The following EYS variants were observed in gnomAD, a reference collection of about 807,000 sequenced individuals.
The protein encoded by EYS is protein eyes shut homolog.
In EYS, 250 loss-of-function variants were observed where a neutral mutation model predicts 282.1. The ratio of observed to expected loss-of-function variants is 0.89; its 90% CI spans 0.80 to 0.98. The LOEUF (loss-of-function observed/expected upper bound fraction) is 0.98. Ranked by LOEUF, EYS falls within the 50% of genes least tolerant of loss-of-function variation. The probability of loss-of-function intolerance (pLI) is 0.00; values close to 1 mark genes in which losing one functional copy is unlikely to be tolerated. For synonymous variants in EYS, 1,355 were observed against 1,282.9 expected (o/e 1.06, Z -1.20); for missense variants, 4,016 against 3,709.0 (o/e 1.08, Z -2.15).
chr6:64,403,920 T>A (rs73764436), intron 28 of EYS, among the ~76,000 whole-genome samples: 3,158 of 152,264 alleles, frequency 0.021, 62 homozygotes, highest in African/African-American at 0.055. Flanking sequence ...GAAAATCCAG[T>A]TTTTTGTTCG....
At chr6:64,207,140 G>A (rs1302768831) in intron 31 of EYS, among the ~76,000 whole-genome samples, 1 of 152,052 alleles carries the variant, frequency 6.6e-6, no homozygotes, top group Admixed American at 6.6e-5. Context: ...GGTACTGGAC[G>A]ATGGGGCCTT....
intron 2 of EYS, among the ~76,000 whole-genome samples, chr6:65,533,407 C>T (rs1303991066): frequency 6.6e-6 from 1 of 152,026 alleles, no homozygotes; most frequent in Non-Finnish European, 1.5e-5. Context: ...CCACAGGTAC[C>T]AAGAGGAGCT....
At chr6:65,611,047 C>A (rs1765981226) in intron 2 of EYS, among the ~76,000 whole-genome samples, 1 of 151,886 alleles carries the variant, frequency 6.6e-6, no homozygotes, top group South Asian at 2.1e-4. Flanking sequence ...CCTGTTGACC[C>A]AAAGGGCACT....
rs148966505 is a variant in EYS at position 65,049,336 on chromosome 6, T to G, written c.2137+8278A>C. On this transcript the variant is annotated intron_variant, in intron 13 of 42. Transcript: ENST00000503581. Reference sequence around the variant, plus strand: ...GGTCTTTGAATTCCCACAGGTTCTTTTGCCTCTGCTCCCTATTTTATTTAA... The same window carrying G: ...GGTCTTTGAATTCCCACAGGTTCTTGTGCCTCTGCTCCCTATTTTATTTAA... Among the ~76,000 whole-genome samples, 824 of 151,936 alleles carry G rather than the reference T, an allele frequency of 5.4e-3. 11 individuals carry two copies. Among genetic ancestry groups the G allele is most frequent in the African/African-American group, 0.018 (740 of 41,514 alleles).
chr6:65,214,624 G>C (rs1766266044), intron 12 of EYS, among the ~76,000 whole-genome samples: 1 of 152,172 alleles, frequency 6.6e-6, no homozygotes, highest in African/African-American at 2.4e-5. Context: ...ACTGCTGAGG[G>C]TAACTACACT....
intron 36 of EYS, among the ~76,000 whole-genome samples, chr6:63,815,444 G>T (rs1771154251): frequency 6.6e-6 from 1 of 152,134 alleles, no homozygotes; most frequent in African/African-American, 2.4e-5. Context: ...CCACTGGTAG[G>T]TATTTTATGT....
intron 26 of EYS, among the ~76,000 whole-genome samples, chr6:64,447,385 G>A (rs1775149649): frequency 6.6e-6 from 1 of 151,758 alleles, no homozygotes; most frequent in Non-Finnish European, 1.5e-5. Context: ...GGATAAAGTA[G>A]GAAAATTAGC....
intron 12 of EYS, among the ~76,000 whole-genome samples, chr6:65,177,450 T>C (rs1765253476): frequency 6.6e-6 from 1 of 151,890 alleles, no homozygotes; most frequent in Admixed American, 6.6e-5. Flanking sequence ...ATTAAGTGTT[T>C]GTCATAGCAG....
At chr6:63,868,576 A>G (rs1181333646) in intron 35 of EYS, among the ~76,000 whole-genome samples, 2 of 152,124 alleles carry the variant, frequency 1.3e-5, no homozygotes, top group African/African-American at 4.8e-5. Flanking sequence ...ATCCTTATGA[A>G]TAATGTCTCC....
At chr6:64,368,141 C>A (rs559171366) in intron 29 of EYS, among the ~76,000 whole-genome samples, 3 of 151,986 alleles carry the variant, frequency 2.0e-5, no homozygotes, top group African/African-American at 4.8e-5. Flanking sequence ...TTCTCGTCTG[C>A]GTCCACAGGT....
At chr6:63,830,920 T>A (rs1771614913) in intron 36 of EYS, among the ~76,000 whole-genome samples, 1 of 152,196 alleles carries the variant, frequency 6.6e-6, no homozygotes, top group Non-Finnish European at 1.5e-5. Context: ...TTCAACATTC[T>A]TAAAGAAAAG....
chr6:63,865,989 C>T lies in EYS; in HGVS notation c.7056-1631G>A, dbSNP rs192730656. Among the ~76,000 whole-genome samples, 620 of 152,214 alleles carry T rather than the reference C, an allele frequency of 4.1e-3. 5 individuals carry two copies. Among genetic ancestry groups the T allele is most frequent in the Non-Finnish European group, 7.4e-3 (503 of 68,018 alleles). On this transcript the variant is annotated intron_variant, in intron 35 of 42. Coordinates refer to ENST00000503581, the MANE Select transcript of EYS (RefSeq NM_001142800.2). ...ATCAGTAATTTATGCATTTTATAAC[C>T]TTCATGGAAACCTGCATAGCATTCT...
At position 64,173,765 on chromosome 6, in the gene EYS, TATCTA is replaced by T. The variant is rs77235335; in HGVS notation, c.6424+56822_6424+56826del. ...TACATATATGTATTAAAATAGAACA[TATCTA>T]ATGAGTGGTAAAATCTTTATGTAGA... is the stretch of plus-strand genomic sequence containing the variant. On this transcript the variant is annotated intron_variant, in intron 31 of 42. Transcript: ENST00000503581. Among the ~76,000 whole-genome samples the T allele has an allele frequency of 3.4e-3, 513 of 152,296 alleles. 2 individuals are homozygous for T. The highest frequency in any genetic ancestry group is 6.8e-3 in the Middle Eastern group (2 of 294).
At chr6:63,739,998 G>A (rs1314828771) in intron 41 of EYS, among the ~76,000 whole-genome samples, 1 of 151,866 alleles carries the variant, frequency 6.6e-6, no homozygotes, top group East Asian at 1.9e-4. Context: ...ATGCCCGGCA[G>A]AAAGTATTAA....
At chr6:65,280,374 A>T (rs1768183265) in intron 12 of EYS, among the ~76,000 whole-genome samples, 1 of 152,146 alleles carries the variant, frequency 6.6e-6, no homozygotes, top group African/African-American at 2.4e-5. Flanking sequence ...TGTTGGGTGA[A>T]TTATAACTTT....
intron 12 of EYS, among the ~76,000 whole-genome samples, chr6:65,071,529 A>C (rs1307535916): frequency 6.6e-6 from 1 of 151,792 alleles, no homozygotes; most frequent in East Asian, 1.9e-4. Context: ...AAACCCATGA[A>C]TGGCATGCAC....
chr6:65,206,641 G>A (rs1211508107), intron 12 of EYS, among the ~76,000 whole-genome samples: 4 of 151,808 alleles, frequency 2.6e-5, no homozygotes, highest in Admixed American at 6.6e-5. Flanking sequence ...CAAAATGCAA[G>A]TAAACTGAAT....
intron 12 of EYS, among the ~76,000 whole-genome samples, chr6:65,281,592 G>A (rs540137502): frequency 2.4e-4 from 37 of 152,240 alleles, no homozygotes; most frequent in Middle Eastern, 3.4e-3. Flanking sequence ...ACATTTGAAC[G>A]TGTAATCATT....
At chr6:65,350,327 G>T (rs1240284324) in intron 9 of EYS, among the ~76,000 whole-genome samples, 3 of 151,360 alleles carry the variant, frequency 2.0e-5, no homozygotes, top group African/African-American at 7.3e-5. Flanking sequence ...TAAAATTTAA[G>T]AAGTAACGTA....
Sources: gnomAD v4.1 joint callset for allele counts (sites outside exome capture counted in the v4.1 genomes callset) on GRCh38, gnomAD v4.1.1 for gene constraint, MANE v1.5 for transcripts, NCBI Gene and HGNC (gene_info 2026-07-23, HGNC 2026-07-21) for gene names.